LRP1B: variants seen among roughly 807,000 people sequenced by gnomAD.
LRP1B encodes the protein LDL receptor related protein 1B, also known as low-density lipoprotein receptor-related protein 1B.
A neutral mutation model predicts 556.6 loss-of-function variants in LRP1B; 217 were observed. That is an observed-to-expected ratio of 0.39 (90% confidence interval 0.35 to 0.44). The LOEUF is 0.44. Among genes scored for constraint, LRP1B ranks in the 20% least tolerant of loss-of-function variants. The pLI is 1.00. For synonymous variants in LRP1B, 2,047 were observed against 1,865.8 expected (o/e 1.10, Z -2.50); for missense variants, 5,053 against 5,620.8 (o/e 0.90, Z 3.23).
At chr2:141,556,783 T>C (rs560387976) in intron 2 of LRP1B, among the ~76,000 whole-genome samples, 2 of 151,922 alleles carry the variant, frequency 1.3e-5, no homozygotes, top group African/African-American at 4.8e-5. Context: ...GTTGAAAATA[T>C]TGAACAGGTG....
intron 35 of LRP1B, among the ~76,000 whole-genome samples, chr2:140,742,504 G>A (rs922982703): frequency 6.6e-6 from 1 of 152,014 alleles, no homozygotes; most frequent in African/African-American, 2.4e-5. Context: ...TAAAACAGAC[G>A]ACGAGAAGGA....
chr2:141,457,785 T>G (rs541446255), intron 3 of LRP1B, among the ~76,000 whole-genome samples: 2 of 151,988 alleles, frequency 1.3e-5, no homozygotes, highest in East Asian at 3.9e-4. Flanking sequence ...CATAGAAAGA[T>G]AGTAAAATAA....
At chr2:141,282,242 AG>A (rs1685536736) in intron 3 of LRP1B, among the ~76,000 whole-genome samples, 1 of 152,054 alleles carries the variant, frequency 6.6e-6, no homozygotes, top group Admixed American at 6.6e-5. Flanking sequence ...GACATGTAAA[AG>A]CTAGTTAATA....
At chr2:141,794,083 T>C (rs1695718336) in intron 2 of LRP1B, among the ~76,000 whole-genome samples, 1 of 151,920 alleles carries the variant, frequency 6.6e-6, no homozygotes. Context: ...ATCATCAGCC[T>C]TTTTTAAATT....
At chr2:141,158,649 C>A (rs902580103) in intron 7 of LRP1B, among the ~76,000 whole-genome samples, 1 of 152,050 alleles carries the variant, frequency 6.6e-6, no homozygotes, top group Non-Finnish European at 1.5e-5. Context: ...TATCTCTTTT[C>A]TTTTTTCTTA....
At chr2:140,323,648 G>T (rs573419816) in intron 81 of LRP1B, among the ~76,000 whole-genome samples, 2 of 151,976 alleles carry the variant, frequency 1.3e-5, no homozygotes, top group South Asian at 4.1e-4. Context: ...ACAGATTATT[G>T]TAAGAAAGAC....
At chr2:141,944,293 A>T (rs1364320066) in intron 1 of LRP1B, among the ~76,000 whole-genome samples, 3 of 152,168 alleles carry the variant, frequency 2.0e-5, no homozygotes, top group Non-Finnish European at 4.4e-5. Flanking sequence ...TGGACAGGAA[A>T]CGCTCCGTGT....
chr2:141,059,055 C>A lies in LRP1B; in HGVS notation c.1237-1G>T, dbSNP rs2105463258. On this transcript the variant is annotated splice_acceptor_variant, in intron 8 of 90. Coordinates refer to ENST00000389484, the MANE Select transcript of LRP1B (RefSeq NM_018557.3). LOFTEE classifies it high-confidence loss of function. ...CAGTTATACCATAAAGATGTCTAAC[C>A]TATAAAGAGGGCAAAACATAACTAT... The A allele has an allele frequency of 6.7e-7, 1 of 1,488,864 alleles. No individual in the cohort carries two copies. The highest frequency in any genetic ancestry group is 9.0e-7 in the Non-Finnish European group (1 of 1,112,880). The allele number at this position is 1,488,864 out of a possible 1,614,324, so 92.2% of individuals were successfully genotyped here. A position where few individuals can be genotyped will look rare whatever the true frequency, so the allele number is the denominator to read the frequency against.
chr2:141,056,773 A>C (rs1699189315), intron 9 of LRP1B, among the ~76,000 whole-genome samples: 1 of 151,824 alleles, frequency 6.6e-6, no homozygotes, highest in Non-Finnish European at 1.5e-5. Context: ...TGACTCCCAA[A>C]TTGGTATCTC....
At chr2:141,528,243 C>T (rs6714661) in intron 2 of LRP1B, among the ~76,000 whole-genome samples, 3,845 of 151,754 alleles carry the variant, frequency 0.025, 152 homozygotes, top group African/African-American at 0.088. Context: ...TCTCTCATAA[C>T]GGGTTAAGTA....
intron 1 of LRP1B, among the ~76,000 whole-genome samples, chr2:141,992,912 A>T (rs906658515): frequency 6.6e-6 from 1 of 152,186 alleles, no homozygotes; most frequent in African/African-American, 2.4e-5. Context: ...TAATTTCAGC[A>T]AGTACCAACA....
intron 7 of LRP1B, among the ~76,000 whole-genome samples, chr2:141,114,484 A>G (rs1010464208): frequency 6.6e-6 from 1 of 152,132 alleles, no homozygotes; most frequent in African/African-American, 2.4e-5. Flanking sequence ...TTCCCCTGGA[A>G]TTTGGCCTTT....
chr2:141,757,075 C>G (rs1216896317), intron 2 of LRP1B, among the ~76,000 whole-genome samples: 2 of 152,056 alleles, frequency 1.3e-5, no homozygotes, highest in Non-Finnish European at 2.9e-5. Context: ...AATATTTGTA[C>G]ATTTTCTAGC....
chr2:140,306,263 G>T (rs1011168785), intron 83 of LRP1B, among the ~76,000 whole-genome samples: 6 of 151,914 alleles, frequency 3.9e-5, no homozygotes, highest in African/African-American at 1.5e-4. Flanking sequence ...GTAGAATTTG[G>T]CTGTGAATCT....
intron 41 of LRP1B, among the ~76,000 whole-genome samples, chr2:140,684,495 T>G (rs1400334650): frequency 2.0e-5 from 3 of 152,192 alleles, no homozygotes; most frequent in Non-Finnish European, 2.9e-5. Context: ...GCCTTGCCAG[T>G]TCATCTTACA....
intron 84 of LRP1B, among the ~76,000 whole-genome samples, chr2:140,285,309 A>G (rs1378678829): frequency 9.5e-6 from 1 of 104,832 alleles, no homozygotes; most frequent in African/African-American, 2.9e-5. Context: ...AGGTGTGTAT[A>G]TATACATACA....
chr2:140,428,312 C>T (rs369499803), intron 66 of LRP1B, among the ~76,000 whole-genome samples: 15 of 152,272 alleles, frequency 9.9e-5, no homozygotes, highest in African/African-American at 2.6e-4. Context: ...GCCTCCACTG[C>T]GAGACAAACC....
intron 1 of LRP1B, among the ~76,000 whole-genome samples, chr2:142,054,820 A>AT (rs922014350): frequency 8.6e-5 from 13 of 150,982 alleles, no homozygotes; most frequent in South Asian, 2.1e-4. Flanking sequence ...TATTGTGGCC[A>AT]TTTTTTTTTC....
At chr2:141,720,618 T>G (rs1392079141) in intron 2 of LRP1B, among the ~76,000 whole-genome samples, 1 of 152,036 alleles carries the variant, frequency 6.6e-6, no homozygotes, top group African/African-American at 2.4e-5. Flanking sequence ...CACATGTAAA[T>G]AATAGTGTGA....
Sources: allele counts gnomAD v4.1 joint callset (sites outside exome capture counted in the v4.1 genomes callset), GRCh38; gene constraint gnomAD v4.1.1; transcripts MANE v1.5; gene names NCBI Gene and HGNC (gene_info 2026-07-23, HGNC 2026-07-21).